SUSD6: variants seen among roughly 807,000 people sequenced by gnomAD.
The protein encoded by SUSD6 is sushi domain containing 6.
In SUSD6, 16 loss-of-function variants were observed where a neutral mutation model predicts 28.4. The ratio of observed to expected loss-of-function variants is 0.56; its 90% CI spans 0.38 to 0.86. The LOEUF (loss-of-function observed/expected upper bound fraction) is 0.86. Ranked by LOEUF, SUSD6 falls within the 40% of genes least tolerant of loss-of-function variation. SUSD6 has a pLI of 0.00. For synonymous variants in SUSD6, 147 were observed against 159.6 expected (o/e 0.92, Z 0.59); for missense variants, 341 against 384.2 (o/e 0.89, Z 0.94).
At chr14:69,615,170 T>A (rs1289157225) in intron 1 of SUSD6, among the ~76,000 whole-genome samples, 2 of 152,212 alleles carry the variant, frequency 1.3e-5, no homozygotes, top group Middle Eastern at 3.2e-3. Context: ...TTAGGACATT[T>A]GGTTAAATGT....
intron 2 of SUSD6, among the ~76,000 whole-genome samples, chr14:69,684,134 G>A (rs924502028): frequency 5.3e-5 from 8 of 152,190 alleles, no homozygotes; most frequent in African/African-American, 1.9e-4. Flanking sequence ...AGCATAATGT[G>A]TAGCAGGTTT....
At chr14:69,625,574 A>G (rs988723156) in intron 1 of SUSD6, among the ~76,000 whole-genome samples, 4 of 152,234 alleles carry the variant, frequency 2.6e-5, no homozygotes, top group Admixed American at 6.5e-5. Context: ...GAAGCTCAGC[A>G]GAACATGGCC....
chr14:69,658,468 T>G, intron 1 of SUSD6, 45 bp from the exon 2 acceptor site: 1 of 1,020,670 alleles, frequency 9.8e-7, no homozygotes, highest in Non-Finnish European at 1.4e-6. Flanking sequence ...TTTAACTAAC[T>G]TATGGCTGAA....
At chr14:69,685,299 G>A (rs1397260146) in intron 2 of SUSD6, among the ~76,000 whole-genome samples, 1 of 152,222 alleles carries the variant, frequency 6.6e-6, no homozygotes. Flanking sequence ...TTTCCCATAG[G>A]CCACTTTGCT....
chr14:69,629,457 C>T (rs1473846942), intron 1 of SUSD6, among the ~76,000 whole-genome samples: 1 of 152,182 alleles, frequency 6.6e-6, no homozygotes, highest in Non-Finnish European at 1.5e-5. Context: ...TGAAACACCA[C>T]CTCCGTGGAT....
chr14:69,663,677 T>A (rs1885694900), intron 2 of SUSD6, among the ~76,000 whole-genome samples: 1 of 152,240 alleles, frequency 6.6e-6, no homozygotes, highest in Non-Finnish European at 1.5e-5. Context: ...AAGGAGAAAC[T>A]GAACCAGAGA....
chr14:69,658,001 C>T (rs1885609550), intron 1 of SUSD6, among the ~76,000 whole-genome samples: 1 of 152,232 alleles, frequency 6.6e-6, no homozygotes, highest in South Asian at 2.1e-4. Context: ...GAGTCAGGTC[C>T]TCCGGCTCAT....
intron 2 of SUSD6, among the ~76,000 whole-genome samples, chr14:69,670,961 G>A (rs191315123): frequency 1.3e-5 from 2 of 152,234 alleles, no homozygotes; most frequent in African/African-American, 4.8e-5. Context: ...TTTCACTCTG[G>A]TGGAGTATGT....
At chr14:69,705,162 A>G (rs373647224) in intron 4 of SUSD6, among the ~76,000 whole-genome samples, 7 of 151,902 alleles carry the variant, frequency 4.6e-5, no homozygotes, top group Non-Finnish European at 1.0e-4. Flanking sequence ...CTAAAAATAC[A>G]AAACAATTAG....
chr14:69,679,787 T>C (rs1046606640), intron 2 of SUSD6, among the ~76,000 whole-genome samples: 4 of 152,352 alleles, frequency 2.6e-5, no homozygotes, highest in Middle Eastern at 6.8e-3. Flanking sequence ...GGTAGGTTTC[T>C]TGTTTAAGAA....
intron 1 of SUSD6, among the ~76,000 whole-genome samples, chr14:69,620,970 G>A (rs1885029308): frequency 6.6e-6 from 1 of 152,150 alleles, no homozygotes; most frequent in South Asian, 2.1e-4. Flanking sequence ...ATGTTGATTT[G>A]TGAGATCTTT....
chr14:69,636,495 C>A (rs763384038), intron 1 of SUSD6, among the ~76,000 whole-genome samples: 1 of 152,352 alleles, frequency 6.6e-6, no homozygotes, highest in Non-Finnish European at 1.5e-5. Context: ...ACCTCAGACT[C>A]GCCTCCTCTT....
intron 1 of SUSD6, among the ~76,000 whole-genome samples, chr14:69,641,789 G>T (rs1219907806): frequency 6.7e-6 from 1 of 148,676 alleles, no homozygotes; most frequent in Admixed American, 6.6e-5. Context: ...TTGTAGAGAG[G>T]AGGGGGGGTC....
In SUSD6 at chr14:69,658,498, G is replaced by C. The variant is rs1187902550; in HGVS notation, c.-80-15G>C. 3.7e-6 allele frequency: 5 copies of C among 1,335,458 alleles called. No homozygotes were observed. The highest frequency in any genetic ancestry group is 5.2e-6 in the Non-Finnish European group (5 of 962,086). The allele number at this position is 1,335,458 out of a possible 1,614,324, so 82.7% of individuals were successfully genotyped here. On this transcript the variant is annotated splice_polypyrimidine_tract_variant and intron_variant, in intron 1 of 5. Transcript: ENST00000342745. ...GCTGAAGTTTTCACTTTATGTCCTT[G>C]TTTGTTTGTTACAGGTGAATCAGCT...
intron 2 of SUSD6, among the ~76,000 whole-genome samples, chr14:69,698,387 C>T (rs1160315412): frequency 6.6e-6 from 1 of 152,180 alleles, no homozygotes; most frequent in African/African-American, 2.4e-5. Context: ...TTCTCCTACT[C>T]AACCCTAATC....
At chr14:69,625,761 A>G (rs1175082019) in intron 1 of SUSD6, among the ~76,000 whole-genome samples, 1 of 152,096 alleles carries the variant, frequency 6.6e-6, no homozygotes, top group East Asian at 1.9e-4. Context: ...CACACTCTTT[A>G]CCACTCCCCT....
rs150724759 is a variant in SUSD6 at position 69,708,985 on chromosome 14, C to G, written c.767C>G (p.Thr256Ser). ...GAGACTGTGATGGTGCATCAGGCAA[C>G]CACCTCTTCCTGGGTGGCCGGCTCA... ...ASETVMVHQA[T>S]TSSWVAGSGN... Residue 256 changes from threonine (T) to serine (S), a missense_variant, in exon 5 of 6, where the codon ACC (threonine) becomes AGC (serine). Thr to Ser is a moderately conservative substitution (Grantham distance 58). Transcript: ENST00000342745. 55 of 1,614,044 alleles carry G rather than the reference C, an allele frequency of 3.4e-5. No individual in the cohort carries two copies. The highest frequency in any genetic ancestry group is 5.3e-5 in the African/African-American group (4 of 74,920).
intron 1 of SUSD6, among the ~76,000 whole-genome samples, chr14:69,647,152 T>A (rs1302939238): frequency 6.6e-6 from 1 of 152,238 alleles, no homozygotes; most frequent in Non-Finnish European, 1.5e-5. Flanking sequence ...TACAATTAAG[T>A]ACCTTGGCCT....
chr14:69,628,946 A>T (rs551095261), intron 1 of SUSD6, among the ~76,000 whole-genome samples: 8 of 152,098 alleles, frequency 5.3e-5, no homozygotes, highest in South Asian at 2.1e-4. Flanking sequence ...GGCTCAAGTG[A>T]TCTGCCAGCC....
Sources: allele counts gnomAD v4.1 joint callset (sites outside exome capture counted in the v4.1 genomes callset), GRCh38; gene constraint gnomAD v4.1.1; transcripts MANE v1.5; gene names NCBI Gene and HGNC (gene_info 2026-07-23, HGNC 2026-07-21).